Variants in FXR1 observed in about 807,000 individuals in gnomAD.
FXR1 encodes the protein FMR1 autosomal homolog 1.
FXR1 carries 15 observed loss-of-function variants against 84.0 expected under a neutral mutation model. The observed-to-expected ratio is 0.18, with a 90% CI of 0.12 to 0.27. The LOEUF (loss-of-function observed/expected upper bound fraction) is 0.27. Ranked by LOEUF, FXR1 falls within the 10% of genes least tolerant of loss-of-function variation. The pLI, the probability that FXR1 is intolerant of heterozygous loss-of-function variation, is 1.00. For synonymous variants in FXR1, 245 were observed against 250.7 expected (o/e 0.98, Z 0.21); for missense variants, 480 against 774.4 (o/e 0.62, Z 4.51).
rs1243206073 is a variant in FXR1, at chr3:180,982,418, T to C, written c.*6126T>C. On this transcript the variant is annotated 3_prime_UTR_variant, in exon 17 of 17. Transcript: ENST00000357559. ...TTCAATGAAACACGGATTCTTCTAC[T>C]TAAAAAAGGTAAGCCTGGAGAAAAT... 3 of 152,110 alleles carry C rather than the reference T, an allele frequency of 2.0e-5. No individual in the cohort carries two copies. The highest frequency in any genetic ancestry group is 4.4e-5 in the Non-Finnish European group (3 of 67,982). 9.4% of individuals were successfully genotyped at this position (152,110 alleles called of 1,614,324 possible). A position where few individuals can be genotyped will look rare whatever the true frequency, so the allele number is the denominator to read the frequency against.
At chr3:180,953,972 A>G (rs933976732) in intron 9 of FXR1, 132 bp downstream of exon 9, 4 of 570,656 alleles carry the variant, frequency 7.0e-6, no homozygotes, top group African/African-American at 5.8e-5. Context: ...AGATAGCAAT[A>G]CTTCTTTTCT....
chr3:180,946,791 C>T (rs919096903), intron 3 of FXR1, among the ~76,000 whole-genome samples: 1 of 152,166 alleles, frequency 6.6e-6, no homozygotes. Flanking sequence ...TGTTTATCTC[C>T]CAGATGGCTG....
At chr3:180,974,160 C>CTTTT (rs200685504) in intron 15 of FXR1, among the ~76,000 whole-genome samples, 1 of 143,304 alleles carries the variant, frequency 7.0e-6, no homozygotes, top group African/African-American at 2.6e-5. Flanking sequence ...AGTTTCAATT[C>CTTTT]TTTTTTTTTT....
At chr3:180,916,016 T>C (rs1717850863) in intron 1 of FXR1, among the ~76,000 whole-genome samples, 1 of 152,220 alleles carries the variant, frequency 6.6e-6, no homozygotes, top group South Asian at 2.1e-4. Context: ...AATGGGAAGA[T>C]GTTAATTAAG....
At chr3:180,958,118 G>GT in intron 10 of FXR1, among the ~76,000 whole-genome samples, 190 bp downstream of exon 10, 1 of 151,976 alleles carries the variant, frequency 6.6e-6, no homozygotes, top group Non-Finnish European at 1.5e-5. Flanking sequence ...GTTCTTAGTT[G>GT]TTTTGATAGT....
rs116325648 is a variant in FXR1, at chr3:180,938,019, T to A, written c.198+2788T>A. Among the ~76,000 whole-genome samples the A allele has an allele frequency of 4.0e-3, 610 of 152,294 alleles. 1 individual carries two copies. Among genetic ancestry groups the A allele is most frequent in the Non-Finnish European group, 6.1e-3 (418 of 68,004 alleles). On this transcript the variant is annotated intron_variant, in intron 3 of 16. Coordinates refer to ENST00000357559, the MANE Select transcript of FXR1 (RefSeq NM_005087.4). ...AGTTATATATTTGTGACTTTTGTAT[T>A]CACTTAATTAGGACAGCAAACATTT...
chr3:180,967,778 T>G (rs1362691122), intron 13 of FXR1, among the ~76,000 whole-genome samples: 1 of 152,156 alleles, frequency 6.6e-6, no homozygotes, highest in African/African-American at 2.4e-5. Context: ...AGTGAGGGAT[T>G]CTTCTGCTGG....
At chr3:180,964,669 T>G (rs1712569868) in intron 13 of FXR1, among the ~76,000 whole-genome samples, 1 of 95,378 alleles carries the variant, frequency 1.0e-5, no homozygotes, top group African/African-American at 6.0e-5. Flanking sequence ...GACTTGTAGT[T>G]GATTTATATA....
chr3:180,944,175 AG>A (rs1402380228), intron 3 of FXR1, among the ~76,000 whole-genome samples: 1 of 152,078 alleles, frequency 6.6e-6, no homozygotes, highest in African/African-American at 2.4e-5. Context: ...GGCCTCCCAA[AG>A]TGCTGGGATT....
At chr3:180,933,467 A>G in intron 2 of FXR1, 81 bp downstream of exon 2, 2 of 771,300 alleles carry the variant, frequency 2.6e-6, no homozygotes, top group South Asian at 1.5e-5. Context: ...TCCTACTGCC[A>G]GTGGAAAAAT....
At chr3:180,948,050 A>G in intron 4 of FXR1, 114 bp downstream of exon 4, 1 of 672,280 alleles carries the variant, frequency 1.5e-6, no homozygotes, top group Non-Finnish European at 2.6e-6. Flanking sequence ...CTACCTGAGA[A>G]ATAGTTGATC....
intron 3 of FXR1, among the ~76,000 whole-genome samples, chr3:180,947,061 G>T (rs1351361620): frequency 6.6e-6 from 1 of 151,544 alleles, no homozygotes; most frequent in African/African-American, 2.4e-5. Context: ...TTTTTATTTT[G>T]TTTTTTTTGA....
chr3:180,915,755 C>G (rs773149663), intron 1 of FXR1: 2 of 619,694 alleles, frequency 3.2e-6, no homozygotes, highest in Non-Finnish European at 5.8e-6. Flanking sequence ...TGAGGCAGTA[C>G]TCTGTAGACT....
chr3:180,965,972 CT>C (rs1206078015), intron 13 of FXR1, among the ~76,000 whole-genome samples: 1 of 152,068 alleles, frequency 6.6e-6, no homozygotes, highest in East Asian at 1.9e-4. Context: ...TCAATATGAA[CT>C]TTTGAGAGAG....
rs1371981310 is a variant in FXR1, at chr3:180,917,600, G to A, written c.51+4864G>A. On this transcript the variant is annotated intron_variant, in intron 1 of 16. Transcript: ENST00000357559. Reference sequence around the variant, plus strand: ...ACAGATAGTTGCAAAACGTGGAGGGGAAGGAAGGCTGGGATTTTCTACTCT... The same window carrying A: ...ACAGATAGTTGCAAAACGTGGAGGGAAAGGAAGGCTGGGATTTTCTACTCT... Among the ~76,000 whole-genome samples, 3 of 152,096 alleles carry A rather than the reference G, an allele frequency of 2.0e-5. No individual in the cohort carries two copies. The East Asian group carries it at 5.8e-4, about 29-fold the overall frequency.
At chr3:180,944,326 CT>C (rs11344405) in intron 3 of FXR1, among the ~76,000 whole-genome samples, 35,718 of 145,740 alleles carry the variant, frequency 0.25, 4,358 homozygotes, top group African/African-American at 0.31. Flanking sequence ...GTTATTGGAC[CT>C]TTTTTTTTTT....
At chr3:180,927,683 A>C in intron 1 of FXR1, 1 of 525,544 alleles carries the variant, frequency 1.9e-6, no homozygotes, top group Non-Finnish European at 3.3e-6. Context: ...AAATGAGTAG[A>C]TCTTCATAGT....
intron 3 of FXR1, among the ~76,000 whole-genome samples, chr3:180,942,496 C>T (rs1273246294): frequency 3.5e-5 from 5 of 143,356 alleles, no homozygotes; most frequent in Non-Finnish European, 7.6e-5. Context: ...CATTTGTTTG[C>T]TTGAGTTTAG....
intron 1 of FXR1, among the ~76,000 whole-genome samples, chr3:180,921,156 G>C (rs555085874): frequency 6.6e-6 from 1 of 151,976 alleles, no homozygotes; most frequent in South Asian, 2.1e-4. Context: ...GATCACTTGA[G>C]GGCAGGAGTT....
Sources: gnomAD v4.1 joint callset for allele counts (sites outside exome capture counted in the v4.1 genomes callset) on GRCh38, gnomAD v4.1.1 for gene constraint, MANE v1.5 for transcripts, NCBI Gene and HGNC (gene_info 2026-07-23, HGNC 2026-07-21) for gene names.